CCNYL1: variants seen among roughly 807,000 people sequenced by gnomAD.
The protein encoded by CCNYL1 is cyclin Y like 1.
Under a neutral mutation model 44.2 loss-of-function variants are expected in CCNYL1, and 16 were observed. That is an observed-to-expected ratio of 0.36 (90% CI 0.25 to 0.55). The LOEUF is 0.55. Ranked by LOEUF, CCNYL1 falls within the 20% of genes least tolerant of loss-of-function variation. The pLI is 0.85. For synonymous variants in CCNYL1, 159 were observed against 163.2 expected (o/e 0.97, Z 0.20); for missense variants, 348 against 451.8 (o/e 0.77, Z 2.08).
At chr2:207,723,593 G>A (rs1038344351) in intron 1 of CCNYL1, among the ~76,000 whole-genome samples, 23 of 151,976 alleles carry the variant, frequency 1.5e-4, no homozygotes, top group African/African-American at 4.8e-4. Flanking sequence ...GGACCTTGCT[G>A]GGCTGGGCGC....
intron 1 of CCNYL1, among the ~76,000 whole-genome samples, chr2:207,718,957 G>A (rs1037234512): frequency 6.6e-6 from 1 of 151,208 alleles, no homozygotes; most frequent in Non-Finnish European, 1.5e-5. Flanking sequence ...TCCACACAGA[G>A]GAGAATTATG....
At chr2:207,727,582 A>G (rs919715070) in intron 3 of CCNYL1, among the ~76,000 whole-genome samples, 2 of 152,024 alleles carry the variant, frequency 1.3e-5, no homozygotes, top group African/African-American at 4.8e-5. Flanking sequence ...GCTGTTTTCT[A>G]ACAGCTATTT....
intron 1 of CCNYL1, among the ~76,000 whole-genome samples, chr2:207,715,234 C>T (rs2091584264): frequency 6.6e-6 from 1 of 151,926 alleles, no homozygotes; most frequent in Non-Finnish European, 1.5e-5. Context: ...TGCCACTGCA[C>T]TCTAGCCTGG....
intron 1 of CCNYL1, among the ~76,000 whole-genome samples, chr2:207,722,353 A>G (rs1368893230): frequency 6.6e-6 from 1 of 151,800 alleles, no homozygotes; most frequent in Non-Finnish European, 1.5e-5. Context: ...GATTACAGGC[A>G]TGAGCCACCA....
rs149423344 is a variant in CCNYL1 at position 207,747,061 on chromosome 2, G to A, written c.654G>A (p.Arg218=). 539 of 1,613,848 alleles carry A rather than the reference G, an allele frequency of 3.3e-4. No individual in the cohort carries two copies. The African/African-American group carries it at 6.3e-3, about 19-fold the overall frequency. ...CTATTTTACAGGTTTACTTAGAAAG[G>A]CTTTTAACTTATGCTGAAATCGACA... ...CAIVTLVYLE[R]LLTYAEIDIC... is the part of the protein sequence containing the mutation. Residue 218 remains arginine (R), a synonymous_variant, in exon 8 of 10, where the codon AGG becomes AGA. Transcript: ENST00000295414.
chr2:207,732,050 TC>T (rs1440923477), intron 3 of CCNYL1, among the ~76,000 whole-genome samples: 1 of 152,168 alleles, frequency 6.6e-6, no homozygotes, highest in Non-Finnish European at 1.5e-5. Flanking sequence ...CCTCAGGTGA[TC>T]CACCCGCCTT....
intron 1 of CCNYL1, among the ~76,000 whole-genome samples, chr2:207,721,734 G>GTTTTTTTTTTTTTTTTT: frequency 7.1e-6 from 1 of 141,150 alleles, no homozygotes. Context: ...GGAGTTTTTT[G>GTTTTTTTTTTTTTTTTT]TTTTTTTTTT....
At position 207,755,544 on chromosome 2, in the gene CCNYL1, A is replaced by G. The variant is rs914127791; in HGVS notation, c.*1846A>G. ...GTAGTTACCCGCAGAGCTGTGCTCT[A>G]TATGCTTTGATTACCGCAGTTTCTT... On this transcript the variant is annotated 3_prime_UTR_variant, in exon 10 of 10. Coordinates refer to ENST00000295414, the MANE Select transcript of CCNYL1 (RefSeq NM_001330218.2). 2.0e-5 allele frequency: 3 copies of G among 152,264 alleles called. No individual in the cohort carries two copies. The highest frequency in any genetic ancestry group is 2.0e-4 in the Admixed American group (3 of 15,288). 9.4% of individuals were successfully genotyped at this position (152,264 alleles called of 1,614,324 possible).
intron 3 of CCNYL1, among the ~76,000 whole-genome samples, chr2:207,727,465 C>A (rs112111951): frequency 0.018 from 2,810 of 152,304 alleles, 40 homozygotes; most frequent in Non-Finnish European, 0.026. Flanking sequence ...TTCCTAGCCT[C>A]CACTAGCTCA....
At chr2:207,728,950 C>T (rs370104945) in intron 3 of CCNYL1, among the ~76,000 whole-genome samples, 53 of 152,246 alleles carry the variant, frequency 3.5e-4, no homozygotes, top group African/African-American at 1.3e-3. Context: ...GGGCGTGCCA[C>T]CAAGCCTGAC....
intron 1 of CCNYL1, chr2:207,714,597 A>C (rs532855753): frequency 1.6e-5 from 4 of 254,428 alleles, no homozygotes; most frequent in African/African-American, 9.3e-5. Flanking sequence ...ATTGAAGCTG[A>C]GAATGCACTG....
intron 1 of CCNYL1, among the ~76,000 whole-genome samples, chr2:207,721,808 C>G (rs552865070): frequency 1.3e-5 from 2 of 150,444 alleles, no homozygotes; most frequent in Non-Finnish European, 2.9e-5. Flanking sequence ...CATCTCGGCT[C>G]ACTGCAACCT....
At chr2:207,731,470 C>T (rs957860709) in intron 3 of CCNYL1, among the ~76,000 whole-genome samples, 2 of 152,030 alleles carry the variant, frequency 1.3e-5, no homozygotes, top group African/African-American at 4.8e-5. Context: ...TTTGTGACTA[C>T]CTGAAATGAC....
rs2091925291 is a variant in CCNYL1, at chr2:207,755,483, T to C, written c.*1785T>C. On this transcript the variant is annotated 3_prime_UTR_variant, in exon 10 of 10. Transcript: ENST00000295414. ...TTAAAATTACACTGAACTTTTGGAATACCTTGTATCTCCATAAAATGCCCT... is the reference window on the plus strand; with the variant it reads ...TTAAAATTACACTGAACTTTTGGAACACCTTGTATCTCCATAAAATGCCCT... 1 of 152,260 alleles carries C rather than the reference T, an allele frequency of 6.6e-6. No individual in the cohort carries two copies. Among genetic ancestry groups the C allele is most frequent in the Non-Finnish European group, 1.5e-5 (1 of 68,044 alleles). The allele number at this position is 152,260 out of a possible 1,614,324, so 9.4% of individuals were successfully genotyped here. A position where few individuals can be genotyped will look rare whatever the true frequency, so the allele number is the denominator to read the frequency against.
chr2:207,712,757 G>A (rs1025500701), intron 1 of CCNYL1, among the ~76,000 whole-genome samples: 1 of 152,162 alleles, frequency 6.6e-6, no homozygotes, highest in East Asian at 1.9e-4. Context: ...GAAAGAAAAT[G>A]GGGGGAGGGG....
At chr2:207,725,412 A>T (rs1171312425) in intron 2 of CCNYL1, among the ~76,000 whole-genome samples, 1 of 152,214 alleles carries the variant, frequency 6.6e-6, no homozygotes, top group Non-Finnish European at 1.5e-5. Flanking sequence ...GGCGTGAGCC[A>T]TCTGGCCAGT....
intron 1 of CCNYL1, among the ~76,000 whole-genome samples, chr2:207,713,810 ATATAT>A (rs1421565425): frequency 9.2e-5 from 14 of 152,210 alleles, no homozygotes; most frequent in Admixed American, 2.0e-4. Context: ...GAATGAACAA[ATATAT>A]TATGTGAGTT....
chr2:207,744,017 A>G (rs549632567), intron 7 of CCNYL1, among the ~76,000 whole-genome samples: 1 of 152,060 alleles, frequency 6.6e-6, no homozygotes, highest in Non-Finnish European at 1.5e-5. Context: ...TCTAGTGAGG[A>G]AGACATTTTT....
chr2:207,712,220 G>T, intron 1 of CCNYL1, 104 bp downstream of exon 1: 1 of 943,572 alleles, frequency 1.1e-6, no homozygotes, highest in Non-Finnish European at 1.5e-6. Context: ...CTTCCTGCCG[G>T]TAGCCGGCCC....
Sources: gnomAD v4.1 joint callset for allele counts (sites outside exome capture counted in the v4.1 genomes callset) on GRCh38, gnomAD v4.1.1 for gene constraint, MANE v1.5 for transcripts, NCBI Gene and HGNC (gene_info 2026-07-23, HGNC 2026-07-21) for gene names.